The following ANO3 variants were observed in gnomAD, a reference collection of about 807,000 sequenced individuals.
ANO3 encodes the protein anoctamin 3.
In ANO3, 99 loss-of-function variants were observed where a neutral mutation model predicts 144.8. That is an observed-to-expected ratio of 0.68 (90% CI 0.58 to 0.81). The LOEUF is 0.81. ANO3 is among the 30% of genes least tolerant of loss of function. The pLI is 0.00. For missense variants in ANO3, 905 were observed against 1,202.2 expected (o/e 0.75, Z 3.66); for synonymous variants, 414 against 392.6 (o/e 1.05, Z -0.64).
intron 1 of ANO3, among the ~76,000 whole-genome samples, chr11:26,417,700 A>G (rs1857630841): frequency 6.6e-6 from 1 of 150,954 alleles, no homozygotes; most frequent in African/African-American, 2.4e-5. Context: ...TGGTGAATGT[A>G]AAGTATTATG....
intron 14 of ANO3, among the ~76,000 whole-genome samples, chr11:26,570,232 G>A (rs979552496): frequency 5.3e-5 from 8 of 151,786 alleles, no homozygotes; most frequent in Non-Finnish European, 1.0e-4. Context: ...CACGACTTTC[G>A]CCTTCTTTGT....
Position 26,553,244 on chromosome 11 carries a change from T to TAA in ANO3, c.1290-5_1290-4insAA. On this transcript the variant is annotated splice_polypyrimidine_tract_variant and splice_region_variant and intron_variant, in intron 12 of 26. Transcript: ENST00000256737. ...GTTTTGTTTTTGTTTTTGTTTTTTC[T>TAA]CAAGCCAAGAAATTTGTAAAGCCAC... 1.4e-6 allele frequency: 2 copies of TAA among 1,436,562 alleles called. No homozygotes were observed. The highest frequency in any genetic ancestry group is 1.9e-6 in the Non-Finnish European group (2 of 1,030,650). 89.0% of individuals were successfully genotyped at this position (1,436,562 alleles called of 1,614,324 possible).
rs1564998927 is a variant in ANO3 at position 26,392,317 on chromosome 11, G to A, written c.47-49601G>A. The stretch of plus-strand genomic sequence containing the variant: ...AAATTGAGAGTAACATTTTTACACT[G>A]TATTTAGAGTATATTTGATAACTTA... On this transcript the variant is annotated intron_variant, in intron 1 of 26. Transcript: ENST00000256737. Among the ~76,000 whole-genome samples the A allele has an allele frequency of 2.0e-5, 3 of 147,698 alleles. No individual in the cohort carries two copies. In the South Asian group the frequency reaches 6.4e-4, roughly 32 times the overall value.
chr11:26,438,220 A>C (rs1375287346), intron 1 of ANO3, among the ~76,000 whole-genome samples: 3 of 152,210 alleles, frequency 2.0e-5, no homozygotes, highest in Non-Finnish European at 4.4e-5. Flanking sequence ...GGAGCTAACC[A>C]ATATGCAAAA....
chr11:26,274,975 T>C (rs1440557814), intron 1 of ANO3, among the ~76,000 whole-genome samples: 1 of 151,954 alleles, frequency 6.6e-6, no homozygotes, highest in East Asian at 1.9e-4. Context: ...TTTTTATTTA[T>C]AAAATACTAA....
intron 1 of ANO3, among the ~76,000 whole-genome samples, chr11:26,338,033 C>A (rs1855237852): frequency 6.6e-6 from 1 of 152,026 alleles, no homozygotes; most frequent in South Asian, 2.1e-4. Flanking sequence ...GTCACCACCT[C>A]TGTGCCTTTG....
At chr11:26,278,644 G>T (rs930671694) in intron 1 of ANO3, among the ~76,000 whole-genome samples, 4 of 152,022 alleles carry the variant, frequency 2.6e-5, no homozygotes, top group Admixed American at 6.6e-5. Flanking sequence ...ATTACATTTT[G>T]CACTGGTGTT....
intron 14 of ANO3, among the ~76,000 whole-genome samples, chr11:26,581,688 CAAAAAAAAA>C (rs10612768): frequency 2.4e-5 from 2 of 84,744 alleles, no homozygotes; most frequent in Admixed American, 2.6e-4. Context: ...GACTCTGTCT[CAAAAAAAAA>C]AAAAAAAAAA....
chr11:26,262,954 A>G (rs1454620972), intron 1 of ANO3, among the ~76,000 whole-genome samples: 1 of 152,204 alleles, frequency 6.6e-6, no homozygotes. Flanking sequence ...ATACTGAGAC[A>G]TACTCATCAG....
At chr11:26,490,649 G>A (rs1347488738) in intron 4 of ANO3, among the ~76,000 whole-genome samples, 2 of 152,110 alleles carry the variant, frequency 1.3e-5, no homozygotes, top group African/African-American at 2.4e-5. Context: ...GAATGAATAG[G>A]CCAAGAGCCC....
intron 18 of ANO3, among the ~76,000 whole-genome samples, chr11:26,631,563 A>G (rs7111936): frequency 0.52 from 78,579 of 151,592 alleles, 21,752 homozygotes; most frequent in East Asian, 0.68. Context: ...TGGAAACTGG[A>G]ACACAGATTA....
intron 4 of ANO3, among the ~76,000 whole-genome samples, chr11:26,464,416 GTTGT>G (rs1182347485): frequency 3.3e-5 from 5 of 151,782 alleles, no homozygotes; most frequent in Non-Finnish European, 5.9e-5. Context: ...AAATTAAGAT[GTTGT>G]TTCTTAATGT....
upstream of ANO3, chr11:26,332,059 G>A (rs747213592): frequency 7.2e-7 from 1 of 1,397,470 alleles, no homozygotes; most frequent in Non-Finnish European, 9.4e-7. Flanking sequence ...CAGAGTAGCC[G>A]CTAAGGGGAG....
At chr11:26,577,265 A>T (rs1276784201) in intron 14 of ANO3, among the ~76,000 whole-genome samples, 1 of 152,144 alleles carries the variant, frequency 6.6e-6, no homozygotes, top group Non-Finnish European at 1.5e-5. Flanking sequence ...ATTTTTTTTA[A>T]AAAAGAGAGA....
At chr11:26,610,834 A>G (rs1239707840) in intron 17 of ANO3, among the ~76,000 whole-genome samples, 1 of 152,118 alleles carries the variant, frequency 6.6e-6, no homozygotes, top group Non-Finnish European at 1.5e-5. Flanking sequence ...TGGAGTGTCC[A>G]GATCTTCTGT....
chr11:26,507,783 G>A (rs535469303), intron 4 of ANO3, among the ~76,000 whole-genome samples: 161 of 152,224 alleles, frequency 1.1e-3, no homozygotes, highest in African/African-American at 3.7e-3. Flanking sequence ...TAGTAAATAA[G>A]TAATCATTTT....
At chr11:26,342,672 CTAATATATTTA>C (rs1189867191) in intron 1 of ANO3, among the ~76,000 whole-genome samples, 9 of 152,118 alleles carry the variant, frequency 5.9e-5, no homozygotes, top group African/African-American at 2.2e-4. Flanking sequence ...AACTTTGTAA[CTAATATATTTA>C]TAAAATGCCA....
At chr11:26,564,101 A>G (rs1239273062) in intron 14 of ANO3, among the ~76,000 whole-genome samples, 1 of 151,816 alleles carries the variant, frequency 6.6e-6, no homozygotes, top group Non-Finnish European at 1.5e-5. Flanking sequence ...ACTAAAAGAG[A>G]AGTAAGCTAA....
intron 1 of ANO3, among the ~76,000 whole-genome samples, chr11:26,389,061 T>A (rs749767763): frequency 2.0e-5 from 3 of 152,166 alleles, no homozygotes; most frequent in Non-Finnish European, 4.4e-5. Context: ...TAGAAGTAAG[T>A]CACACAGAAT....
Sources: gnomAD v4.1 joint callset for allele counts (sites outside exome capture counted in the v4.1 genomes callset) on GRCh38, gnomAD v4.1.1 for gene constraint, MANE v1.5 for transcripts, NCBI Gene and HGNC (gene_info 2026-07-23, HGNC 2026-07-21) for gene names.